ANKFN1: variants seen among roughly 807,000 people sequenced by gnomAD.
The protein encoded by ANKFN1 is ankyrin repeat and fibronectin type-III domain-containing protein 1.
In ANKFN1, 74 loss-of-function variants were observed where a neutral mutation model predicts 108.7. That is an observed-to-expected ratio of 0.68 (90% CI 0.56 to 0.83). The LOEUF is 0.83. ANKFN1 is among the 40% of genes least tolerant of loss of function. ANKFN1 has a pLI of 0.00. For missense variants in ANKFN1, 1,505 were observed against 1,382.3 expected, an observed-to-expected ratio of 1.09 and a Z score of -1.41; for synonymous variants, 547 against 516.2, an observed-to-expected ratio of 1.06 and a Z score of -0.81.
At chr17:56,144,400 A>G (rs1389592776) in intron 4 of ANKFN1, among the ~76,000 whole-genome samples, 1 of 151,932 alleles carries the variant, frequency 6.6e-6, no homozygotes, top group Non-Finnish European at 1.5e-5. Flanking sequence ...GGAAAAGTCC[A>G]TGCACCAGTC....
At chr17:56,482,577 A>G (rs1385664576) in intron 18 of ANKFN1, 53 bp downstream of exon 18, 5 of 1,581,470 alleles carry the variant, frequency 3.2e-6, no homozygotes, top group Admixed American at 3.5e-5. Context: ...TTATAATAAA[A>G]TCACAAAGTT....
At chr17:56,062,249 A>G (rs892459139) in intron 4 of ANKFN1, among the ~76,000 whole-genome samples, 3 of 152,192 alleles carry the variant, frequency 2.0e-5, no homozygotes, top group Admixed American at 6.5e-5. Context: ...CATTAGGTCC[A>G]CTTGATCCAA....
intron 4 of ANKFN1, among the ~76,000 whole-genome samples, chr17:56,094,614 C>T (rs1158978504): frequency 2.0e-5 from 3 of 148,772 alleles, no homozygotes; most frequent in Admixed American, 1.3e-4. Context: ...AGTGATTCTC[C>T]TGCCTCAGCC....
chr17:56,204,517 T>C (rs1914350536), intron 1 of ANKFN1, among the ~76,000 whole-genome samples: 1 of 151,454 alleles, frequency 6.6e-6, no homozygotes. Context: ...ATTTTTGTGT[T>C]TTTAGTAGAG....
chr17:56,492,461 A>G (rs1691501317), intron 19 of ANKFN1, 108 bp downstream of exon 19: 2 of 609,142 alleles, frequency 3.3e-6, no homozygotes, highest in Admixed American at 2.4e-5. Context: ...TTCAAAGAAC[A>G]CGGTGTGTAA....
intron 4 of ANKFN1, among the ~76,000 whole-genome samples, chr17:56,085,526 G>T (rs537590738): frequency 6.6e-6 from 1 of 151,170 alleles, no homozygotes; most frequent in South Asian, 2.1e-4. Context: ...AGACTTCTGG[G>T]TTCCAGAACT....
intron 9 of ANKFN1, among the ~76,000 whole-genome samples, chr17:56,440,793 C>A (rs1196061157): frequency 2.0e-5 from 3 of 152,072 alleles, no homozygotes; most frequent in African/African-American, 7.2e-5. Context: ...AGCTTCATCT[C>A]ACCCTCATGC....
chr17:56,110,935 G>A (rs371002599), intron 4 of ANKFN1: 1 of 152,266 alleles, frequency 6.6e-6, no homozygotes, highest in African/African-American at 2.4e-5. Context: ...TCCTGGTTGG[G>A]AACCATGGTG....
At chr17:56,107,742 C>T (rs1245722947) in intron 4 of ANKFN1, among the ~76,000 whole-genome samples, 2 of 152,216 alleles carry the variant, frequency 1.3e-5, no homozygotes, top group African/African-American at 2.4e-5. Flanking sequence ...CACCTGGTAA[C>T]TCCTACTCTT....
intron 4 of ANKFN1, among the ~76,000 whole-genome samples, chr17:56,060,372 GCAAA>G (rs1455022774): frequency 2.0e-5 from 3 of 152,146 alleles, no homozygotes; most frequent in African/African-American, 7.2e-5. Flanking sequence ...CATGTCATCT[GCAAA>G]CAGAGACAAC....
chr17:56,201,299 C>T (rs1914036811), intron 1 of ANKFN1, among the ~76,000 whole-genome samples: 1 of 152,140 alleles, frequency 6.6e-6, no homozygotes, highest in Non-Finnish European at 1.5e-5. Flanking sequence ...GAAAACTATT[C>T]CCTCCTCTCT....
chr17:56,494,502 G>C (rs929857354), intron 19 of ANKFN1, among the ~76,000 whole-genome samples: 1 of 152,016 alleles, frequency 6.6e-6, no homozygotes, highest in Non-Finnish European at 1.5e-5. Context: ...TGAGATGGTA[G>C]GATCTCTTGA....
intron 1 of ANKFN1, among the ~76,000 whole-genome samples, chr17:56,173,536 G>A (rs183228019): frequency 2.0e-5 from 3 of 152,058 alleles, no homozygotes; most frequent in Non-Finnish European, 4.4e-5. Context: ...TATAGGAGAA[G>A]AAGGATTTTT....
At chr17:56,076,156 G>C (rs952105748) in intron 4 of ANKFN1, among the ~76,000 whole-genome samples, 2 of 152,052 alleles carry the variant, frequency 1.3e-5, no homozygotes, top group Non-Finnish European at 2.9e-5. Flanking sequence ...TCTGTAATAT[G>C]GAATTCTCAA....
intron 8 of ANKFN1, among the ~76,000 whole-genome samples, chr17:56,375,514 T>C (rs1202493747): frequency 6.6e-6 from 1 of 152,174 alleles, no homozygotes; most frequent in Non-Finnish European, 1.5e-5. Flanking sequence ...GTTTAGACTT[T>C]ATGTGATGAA....
At chr17:56,265,381 A>G (rs2043622420) in intron 3 of ANKFN1, among the ~76,000 whole-genome samples, 1 of 152,126 alleles carries the variant, frequency 6.6e-6, no homozygotes. Flanking sequence ...CACTTTTAAA[A>G]CCATCAGTTC....
intron 4 of ANKFN1, among the ~76,000 whole-genome samples, chr17:56,332,304 A>C (rs745559369): frequency 2.0e-5 from 3 of 152,196 alleles, no homozygotes; most frequent in Non-Finnish European, 4.4e-5. Context: ...TTGTGAAGCC[A>C]ACATGAGGAG....
intron 10 of ANKFN1, among the ~76,000 whole-genome samples, chr17:56,444,405 G>GT (rs921485567): frequency 6.6e-6 from 1 of 151,942 alleles, no homozygotes; most frequent in African/African-American, 2.4e-5. Flanking sequence ...GTCTCTTTTA[G>GT]TTTTTTTAAC....
In ANKFN1 at chr17:56,206,103, A is replaced by G. The variant is rs190964030; in HGVS notation, c.-70-6495A>G. 5.3e-4 allele frequency among the ~76,000 whole-genome samples: 80 copies of G among 152,266 alleles called. 2 individuals are homozygous for G. The Middle Eastern group carries it at 0.017, about 32-fold the overall frequency. ...GCTGATGAAGTTTATTATTCCTATT[A>G]TATATTAAATTTAAATTCATGATAA... is the stretch of plus-strand genomic sequence containing the variant. On this transcript the variant is annotated intron_variant, in intron 1 of 20. Coordinates refer to ENST00000682825, the MANE Select transcript of ANKFN1 (RefSeq NM_001370326.1).
Sources: allele counts gnomAD v4.1 joint callset (sites outside exome capture counted in the v4.1 genomes callset), GRCh38; gene constraint gnomAD v4.1.1; transcripts MANE v1.5; gene names NCBI Gene and HGNC (gene_info 2026-07-23, HGNC 2026-07-21).